Variants in KIF16B observed in about 807,000 individuals in gnomAD.
The protein encoded by KIF16B is kinesin family member 16B.
KIF16B carries 98 observed loss-of-function variants against 156.3 expected under a neutral mutation model. The ratio of observed to expected loss-of-function variants is 0.63; its 90% CI spans 0.53 to 0.74. The LOEUF is 0.74. Ranked by LOEUF, KIF16B falls within the 30% of genes least tolerant of loss-of-function variation. The pLI, the probability that KIF16B is intolerant of heterozygous loss-of-function variation, is 0.00. For synonymous variants in KIF16B, 564 were observed against 583.7 expected (o/e 0.97, Z 0.49); for missense variants, 1,421 against 1,606.5 (o/e 0.88, Z 1.97).
chr20:16,407,783 T>C (rs2065823684), intron 15 of KIF16B, among the ~76,000 whole-genome samples: 1 of 152,102 alleles, frequency 6.6e-6, no homozygotes, highest in Admixed American at 6.6e-5. Flanking sequence ...GAGGAAAAAC[T>C]CCAGTCTATA....
chr20:16,460,087 G>C (rs2146670091), intron 12 of KIF16B, among the ~76,000 whole-genome samples: 1 of 152,286 alleles, frequency 6.6e-6, no homozygotes, highest in Middle Eastern at 3.4e-3. Context: ...CCCAGACAGA[G>C]TCTTGACTCA....
chr20:16,343,741 T>C (rs2064182123), intron 23 of KIF16B, among the ~76,000 whole-genome samples: 1 of 152,304 alleles, frequency 6.6e-6, no homozygotes, highest in Middle Eastern at 3.4e-3. Context: ...CCTTACATAC[T>C]ATAGAAAATG....
chr20:16,385,098 G>A (rs1265120136), intron 17 of KIF16B, among the ~76,000 whole-genome samples: 1 of 151,970 alleles, frequency 6.6e-6, no homozygotes, highest in Non-Finnish European at 1.5e-5. Context: ...TCGGGAGGCT[G>A]AGGCAGGAGA....
At chr20:16,352,285 C>A (rs1446697436) in intron 23 of KIF16B, among the ~76,000 whole-genome samples, 1 of 152,194 alleles carries the variant, frequency 6.6e-6, no homozygotes, top group African/African-American at 2.4e-5. Context: ...CAGAGTTAAT[C>A]TTAAAAAACT....
intron 12 of KIF16B, among the ~76,000 whole-genome samples, chr20:16,485,481 G>A (rs16997703): frequency 0.087 from 13,277 of 152,236 alleles, 1,407 homozygotes; most frequent in African/African-American, 0.26. Context: ...GAGATTCGAA[G>A]ATGAGCAAAA....
In KIF16B at chr20:16,497,658, G is replaced by A. The variant is rs140218878; in HGVS notation, c.1197C>T (p.Pro399=). Residue 399 remains proline, a synonymous_variant, in exon 11 of 26, where the codon CCC becomes CCT. Transcript: ENST00000354981. ...QGNQIALLDS[P]TALSMEEKLQ... is the part of the protein sequence containing the mutation. ...GTTTTTCCTCCATACTTAAAGCTGT[G>A]GGGGAGTCTAAGAGGGCAATCTACA... The A allele has an allele frequency of 4.3e-6, 7 of 1,610,718 alleles. No homozygotes were observed. The African/African-American group carries it at 9.4e-5, about 22-fold the overall frequency.
intron 12 of KIF16B, among the ~76,000 whole-genome samples, chr20:16,455,867 A>G (rs2067199008): frequency 6.6e-6 from 1 of 152,110 alleles, no homozygotes; most frequent in African/African-American, 2.4e-5. Flanking sequence ...AAGGTCTATT[A>G]AGTTTAAAAC....
At position 16,368,324 on chromosome 20, in the gene KIF16B, G is replaced by T. The variant is rs1236772671; in HGVS notation, c.3498+2262C>A. 4.0e-6 allele frequency: 4 copies of T among 991,060 alleles called. No homozygotes were observed. In the Admixed American group the frequency reaches 2.3e-4, roughly 57 times the overall value. 61.4% of individuals were successfully genotyped at this position (991,060 alleles called of 1,614,324 possible). On this transcript the variant is annotated intron_variant, in intron 22 of 25. Coordinates refer to ENST00000354981, the MANE Select transcript of KIF16B (RefSeq NM_024704.5). ...CGGTAAGGCGCCGCACCCTCTGCTGGCCTCAGGCTCCCTGCAGCTTCGCTC... is the reference window on the plus strand; with the variant it reads ...CGGTAAGGCGCCGCACCCTCTGCTGTCCTCAGGCTCCCTGCAGCTTCGCTC...
intron 25 of KIF16B, among the ~76,000 whole-genome samples, chr20:16,310,508 A>C (rs1361395331): frequency 6.6e-6 from 1 of 152,238 alleles, no homozygotes; most frequent in Admixed American, 6.5e-5. Flanking sequence ...ATGTGAGTTT[A>C]ACAAGAGCCC....
intron 25 of KIF16B, among the ~76,000 whole-genome samples, chr20:16,309,182 T>C (rs191548715): frequency 2.0e-5 from 3 of 152,348 alleles, no homozygotes; most frequent in African/African-American, 4.8e-5. Context: ...TGTAAAGCAA[T>C]TATTAGCCAG....
Position 16,504,469 on chromosome 20 carries a change from TTGA to T in KIF16B, c.1076_1078del (p.Ile359del). On this transcript the variant is annotated inframe_deletion, in exon 10 of 26. Coordinates refer to ENST00000354981, the MANE Select transcript of KIF16B (RefSeq NM_024704.5). ...GGCATCCTCATTAATGGTAGGCTTG[TTGA>T]TGATGTTTTTGGCTCTATTTGCATA... is the stretch of plus-strand genomic sequence containing the variant. The T allele has an allele frequency of 6.2e-7, 1 of 1,614,142 alleles. No individual in the cohort carries two copies. Among genetic ancestry groups the T allele is most frequent in the Non-Finnish European group, 8.5e-7 (1 of 1,179,976 alleles).
intron 22 of KIF16B, among the ~76,000 whole-genome samples, chr20:16,360,793 G>C (rs540624505): frequency 3.1e-4 from 47 of 152,202 alleles, no homozygotes; most frequent in Non-Finnish European, 6.0e-4. Flanking sequence ...AGAACATAAG[G>C]TACATTGTAA....
At chr20:16,478,259 G>A (rs1045292933) in intron 12 of KIF16B, among the ~76,000 whole-genome samples, 3 of 152,066 alleles carry the variant, frequency 2.0e-5, no homozygotes, top group Non-Finnish European at 2.9e-5. Flanking sequence ...ACCATAACGT[G>A]ATACAACTAG....
rs115618113 is a variant in KIF16B, at chr20:16,411,823, T to C, written c.1613-5367A>G. On this transcript the variant is annotated intron_variant, in intron 15 of 25. Coordinates refer to ENST00000354981, the MANE Select transcript of KIF16B (RefSeq NM_024704.5). The stretch of plus-strand genomic sequence containing the variant: ...TGTGTGTGGTGGACCTAAGTTTTGA[T>C]TGCGACCCCATCACATGAGGTTAGG... Among the ~76,000 whole-genome samples, 1,445 of 152,034 alleles carry C rather than the reference T, an allele frequency of 9.5e-3. 19 individuals carry two copies. The highest frequency in any genetic ancestry group is 0.033 in the African/African-American group (1,377 of 41,474).
intron 17 of KIF16B, among the ~76,000 whole-genome samples, chr20:16,386,202 G>A (rs542834035): frequency 6.6e-6 from 1 of 152,304 alleles, no homozygotes; most frequent in Non-Finnish European, 1.5e-5. Flanking sequence ...TGCAAAGTCA[G>A]AAAGATTACA....
Position 16,528,401 on chromosome 20 carries a change from C to T in KIF16B, c.87G>A (p.Glu29=), listed in dbSNP as rs1357837703. The change falls in exon 2 of 26, where the codon GAG becomes GAA. Residue 29 remains glutamate (E), a synonymous_variant. Coordinates refer to ENST00000354981, the MANE Select transcript of KIF16B (RefSeq NM_024704.5). ...AGTTTGTGATTGTCGTTTTGCTTTT[C>T]TCCATCTGAATAATGAACTTGGCCT... ...DLEAKFIIQM[E]KSKTTITNLK... 6.2e-7 allele frequency: 1 copy of T among 1,613,880 alleles called. No homozygotes were observed. The highest frequency in any genetic ancestry group is 8.5e-7 in the Non-Finnish European group (1 of 1,179,926).
intron 12 of KIF16B, among the ~76,000 whole-genome samples, chr20:16,493,064 C>T (rs896840314): frequency 1.3e-5 from 2 of 152,074 alleles, no homozygotes; most frequent in Non-Finnish European, 2.9e-5. Flanking sequence ...AATCTCTCAA[C>T]AAAGAAAATA....
intron 23 of KIF16B, among the ~76,000 whole-genome samples, chr20:16,346,268 C>T (rs1221287886): frequency 6.6e-6 from 1 of 152,224 alleles, no homozygotes; most frequent in Non-Finnish European, 1.5e-5. Context: ...AATGCCAGTC[C>T]TCGATCTGCC....
intron 12 of KIF16B, among the ~76,000 whole-genome samples, chr20:16,455,648 T>G (rs2067193006): frequency 6.6e-6 from 1 of 152,142 alleles, no homozygotes; most frequent in South Asian, 2.1e-4. Flanking sequence ...CCAACACGAT[T>G]TTGCATATAA....
Sources: gnomAD v4.1 joint callset for allele counts (sites outside exome capture counted in the v4.1 genomes callset) on GRCh38, gnomAD v4.1.1 for gene constraint, MANE v1.5 for transcripts, NCBI Gene and HGNC (gene_info 2026-07-23, HGNC 2026-07-21) for gene names.